Variants in PNPLA8 observed in about 807,000 individuals in gnomAD.
PNPLA8 encodes the protein calcium-independent phospholipase A2-gamma.
Under a neutral mutation model 76.9 loss-of-function variants are expected in PNPLA8, and 39 were observed. The ratio of observed to expected loss-of-function variants is 0.51; its 90% CI spans 0.39 to 0.66. PNPLA8 has a LOEUF of 0.66. PNPLA8 is among the 30% of genes least tolerant of loss of function. The pLI is 0.00. For missense variants in PNPLA8, 887 were observed against 918.0 expected, an observed-to-expected ratio of 0.97 and a Z score of 0.44; for synonymous variants, 301 against 307.9, an observed-to-expected ratio of 0.98 and a Z score of 0.24.
intron 4 of PNPLA8, chr7:108,510,345 A>G: frequency 6.3e-7 from 1 of 1,583,082 alleles, no homozygotes; most frequent in East Asian, 2.2e-5. Flanking sequence ...AAGTTTGCCC[A>G]AAAGATGCTT....
intron 4 of PNPLA8, 82 bp from the exon 5 acceptor site, chr7:108,502,724 G>T: frequency 1.1e-6 from 1 of 922,510 alleles, no homozygotes; most frequent in Non-Finnish European, 1.7e-6. Flanking sequence ...AATACATGCA[G>T]TTCACCACAT....
intron 5 of PNPLA8, 140 bp downstream of exon 5, chr7:108,502,351 G>A (rs1436125413): frequency 1.1e-5 from 7 of 642,450 alleles, no homozygotes; most frequent in Non-Finnish European, 1.7e-5. Context: ...GGTGAGGCAG[G>A]AGAATCGCTT....
At chr7:108,475,080 G>A (rs1346905989) in intron 10 of PNPLA8, among the ~76,000 whole-genome samples, 2 of 152,022 alleles carry the variant, frequency 1.3e-5, no homozygotes, top group Admixed American at 6.6e-5. Flanking sequence ...AAACCCTATT[G>A]TGAACTGAGC....
At chr7:108,507,526 T>C (rs1033528836) in intron 4 of PNPLA8, among the ~76,000 whole-genome samples, 6 of 151,730 alleles carry the variant, frequency 4.0e-5, no homozygotes, top group African/African-American at 1.2e-4. Context: ...TGGTTGTGCA[T>C]GCCTGTGGTC....
rs1563983840 is a variant in PNPLA8, at chr7:108,514,991, CTT to C, written c.499_500del (p.Lys167GlufsTer19). ...GACTTTTCTCTTCTGGAAAAGGACTCTTTTCTGCTGATTTGTCACTATATTTT... is the reference window on the plus strand; with the variant it reads ...GACTTTTCTCTTCTGGAAAAGGACTCTTCTGCTGATTTGTCACTATATTTT... ...LKKYSDKSAE[K>X]SPFPEEKSHI... On this transcript the variant is annotated frameshift_variant, in exon 3 of 11. Transcript: ENST00000257694. LOFTEE classifies it high-confidence loss of function. 6.2e-7 allele frequency: 1 copy of C among 1,608,162 alleles called. No individual in the cohort carries two copies. Among genetic ancestry groups the C allele is most frequent in the Non-Finnish European group, 8.5e-7 (1 of 1,179,658 alleles).
chr7:108,514,041 C>G (rs1043712939), intron 4 of PNPLA8, 103 bp downstream of exon 4: 1 of 806,590 alleles, frequency 1.2e-6, no homozygotes, highest in South Asian at 1.8e-5. Flanking sequence ...ATAAAAACCA[C>G]AAAATTCAAA....
intron 4 of PNPLA8, chr7:108,510,831 T>C: frequency 1.3e-6 from 2 of 1,599,792 alleles, no homozygotes; most frequent in Middle Eastern, 1.7e-4. Context: ...GGAAAACGCT[T>C]CAAAGAGGCA....
intron 1 of PNPLA8, 90 bp downstream of exon 1, chr7:108,525,939 A>C: frequency 1.8e-6 from 1 of 546,280 alleles, no homozygotes; most frequent in Non-Finnish European, 2.3e-6. Context: ...CCTCCAAAGA[A>C]AGAAAGGACG....
intron 9 of PNPLA8, among the ~76,000 whole-genome samples, chr7:108,487,270 T>C (rs1297899936): frequency 6.6e-6 from 1 of 152,190 alleles, no homozygotes; most frequent in Non-Finnish European, 1.5e-5. Context: ...TGGAAATAAC[T>C]CTACCTCGTA....
At chr7:108,505,294 G>C (rs182940572) in intron 4 of PNPLA8, among the ~76,000 whole-genome samples, 771 of 53,808 alleles carry the variant, frequency 0.014, 23 homozygotes, top group African/African-American at 0.056. Context: ...GAAAACACAA[G>C]AAAATTTATA....
chr7:108,502,201 G>C (rs1862000864), intron 5 of PNPLA8, among the ~76,000 whole-genome samples: 1 of 151,432 alleles, frequency 6.6e-6, no homozygotes, highest in Non-Finnish European at 1.5e-5. Context: ...CTAGCACTTT[G>C]GGAGGCCAAG....
intron 5 of PNPLA8, among the ~76,000 whole-genome samples, chr7:108,501,886 T>TA (rs1861976578): frequency 6.6e-6 from 1 of 152,066 alleles, no homozygotes; most frequent in Non-Finnish European, 1.5e-5. Context: ...TTTATGAGAA[T>TA]AATGGTTGAT....
chr7:108,524,029 C>T (rs1863918173), intron 1 of PNPLA8, among the ~76,000 whole-genome samples: 2 of 152,174 alleles, frequency 1.3e-5, no homozygotes, highest in South Asian at 2.1e-4. Context: ...GAGAAAAACA[C>T]ATTTTCTTTT....
At chr7:108,492,705 T>C (rs1861269489) in intron 7 of PNPLA8, among the ~76,000 whole-genome samples, 1 of 151,280 alleles carries the variant, frequency 6.6e-6, no homozygotes, top group South Asian at 2.1e-4. Flanking sequence ...AATAAATAAA[T>C]AAATAAAAGT....
intron 9 of PNPLA8, among the ~76,000 whole-genome samples, chr7:108,483,272 C>T (rs965252785): frequency 6.6e-6 from 1 of 152,136 alleles, no homozygotes; most frequent in Non-Finnish European, 1.5e-5. Flanking sequence ...TTTATTATGG[C>T]AAATGTCATT....
rs34935118 is a variant in PNPLA8 at position 108,493,568 on chromosome 7, CTTTTTTTTTT to C, written c.1626-2111_1626-2102del. The stretch of plus-strand genomic sequence containing the variant: ...TACAGGCGCCCGCCCCCATGCCTGG[CTTTTTTTTTT>C]TTTTTTTTTTTTTTTGTATTTTTAG... On this transcript the variant is annotated intron_variant, in intron 7 of 10. Transcript: ENST00000257694. 3.2e-4 allele frequency among the ~76,000 whole-genome samples: 26 copies of C among 81,216 alleles called. No homozygotes were observed. In the South Asian group the frequency reaches 3.8e-3, roughly 12 times the overall value. The allele number at this position is 81,216 out of a possible 152,430, so 53.3% of individuals were successfully genotyped here.
intron 4 of PNPLA8, 93 bp from the exon 5 acceptor site, chr7:108,502,735 G>T (rs1862057671): frequency 1.3e-6 from 1 of 783,804 alleles, no homozygotes; most frequent in Non-Finnish European, 2.0e-6. Flanking sequence ...TTCACCACAT[G>T]ACAACCAAGG....
In PNPLA8 at chr7:108,505,387, G is replaced by A. The variant is rs564134014; in HGVS notation, c.1207-2745C>T. 1.2e-4 allele frequency among the ~76,000 whole-genome samples: 10 copies of A among 84,020 alleles called. No individual in the cohort carries two copies. In the South Asian group the frequency reaches 2.4e-3, roughly 20 times the overall value. 55.1% of individuals were successfully genotyped at this position (84,020 alleles called of 152,430 possible). A position where few individuals can be genotyped will look rare whatever the true frequency, so the allele number is the denominator to read the frequency against. ...TTTTTTTTTTTTTTTTTTTTGAGAC[G>A]GAGTCTCACTCTGTTGCCAGGCTGG... On this transcript the variant is annotated intron_variant, in intron 4 of 10. Transcript: ENST00000257694.
At chr7:108,517,457 T>C (rs1415118378) in intron 2 of PNPLA8, among the ~76,000 whole-genome samples, 2 of 152,206 alleles carry the variant, frequency 1.3e-5, no homozygotes, top group African/African-American at 4.8e-5. Flanking sequence ...CACGAGGATG[T>C]TTACAGAAGC....
Sources: gnomAD v4.1 joint callset for allele counts (sites outside exome capture counted in the v4.1 genomes callset) on GRCh38, gnomAD v4.1.1 for gene constraint, MANE v1.5 for transcripts, NCBI Gene and HGNC (gene_info 2026-07-23, HGNC 2026-07-21) for gene names.